DLGAP1: variants seen among roughly 807,000 people sequenced by gnomAD.
DLGAP1 encodes the protein DLG associated protein 1.
A neutral mutation model predicts 90.8 loss-of-function variants in DLGAP1; 11 were observed. That is an observed-to-expected ratio of 0.12 (90% CI 0.08 to 0.20). The LOEUF is 0.20. Among genes scored for constraint, DLGAP1 ranks in the 10% least tolerant of loss-of-function variants. DLGAP1 has a pLI of 1.00. For missense variants in DLGAP1, 1,050 were observed against 1,333.8 expected (o/e 0.79, Z 3.31); for synonymous variants, 558 against 540.7 (o/e 1.03, Z -0.44).
chr18:3,502,796 T>C (rs2050009678), intron 11 of DLGAP1, 151 bp from the exon 12 acceptor site: 1 of 815,686 alleles, frequency 1.2e-6, no homozygotes, highest in Non-Finnish European at 1.9e-6. Flanking sequence ...TTACAAATGT[T>C]AATTTTATAC....
intron 5 of DLGAP1, among the ~76,000 whole-genome samples, chr18:3,744,611 G>A (rs1348070942): frequency 3.3e-5 from 5 of 152,098 alleles, no homozygotes; most frequent in African/African-American, 1.2e-4. Flanking sequence ...CCCAGGTGGA[G>A]TGTAGCTCAC....
chr18:3,680,811 GA>G (rs1416130142), intron 7 of DLGAP1, among the ~76,000 whole-genome samples: 1 of 147,422 alleles, frequency 6.8e-6, no homozygotes, highest in Non-Finnish European at 1.5e-5. Flanking sequence ...AAAAAAGGAG[GA>G]AAAATACTGT....
chr18:4,088,449 G>GTA (rs1462828430), intron 2 of DLGAP1, among the ~76,000 whole-genome samples: 1 of 152,086 alleles, frequency 6.6e-6, no homozygotes, highest in Non-Finnish European at 1.5e-5. Flanking sequence ...GTGTGTGTGT[G>GTA]TGTGTCTGTA....
At chr18:4,015,366 G>A (rs943039137) in intron 2 of DLGAP1, among the ~76,000 whole-genome samples, 8 of 152,116 alleles carry the variant, frequency 5.3e-5, no homozygotes, top group Non-Finnish European at 1.0e-4. Flanking sequence ...GCAGAAAAGA[G>A]TTCTATGATG....
chr18:4,284,840 G>A (rs2079644773), intron 1 of DLGAP1, among the ~76,000 whole-genome samples: 1 of 152,148 alleles, frequency 6.6e-6, no homozygotes, highest in African/African-American at 2.4e-5. Context: ...GGTAATGAAG[G>A]CACCAAGGAG....
rs114941352 is a variant in DLGAP1, at chr18:4,297,335, G to A, written c.-266-146048C>T. ...CTGTAGAAAACCATCAATGTCTGGT[G>A]GTGCCTAAGACGCTCCATGCCATGG... On this transcript the variant is annotated intron_variant, in intron 1 of 12. Transcript: ENST00000315677. Among the ~76,000 whole-genome samples, 416 of 152,102 alleles carry A rather than the reference G, an allele frequency of 2.7e-3. 1 individual carries two copies. The highest frequency in any genetic ancestry group is 9.4e-3 in the African/African-American group (389 of 41,474).
At chr18:4,008,870 C>T (rs560355743) in intron 2 of DLGAP1, among the ~76,000 whole-genome samples, 1 of 152,270 alleles carries the variant, frequency 6.6e-6, no homozygotes, top group East Asian at 1.9e-4. Flanking sequence ...TGAAGCCTTG[C>T]TACAGGACGT....
Position 3,729,348 on chromosome 18 carries a change from A to G in DLGAP1, c.1378T>C (p.Phe460Leu). The G allele has an allele frequency of 6.2e-7, 1 of 1,613,694 alleles. No homozygotes were observed. The change falls in exon 7 of 13, where the codon TTC (phenylalanine) becomes CTC (leucine). Residue 460 changes from phenylalanine (F) to leucine (L), a missense_variant. Phe to Leu is a conservative substitution (Grantham distance 22, BLOSUM62 0). Coordinates refer to ENST00000315677, the MANE Select transcript of DLGAP1 (RefSeq NM_004746.4). The surrounding 1 kb of genome is among the most constrained non-coding windows in gnomAD (Gnocchi z 6.2). The part of the protein sequence containing the change: ...QVSEMEVNGQ[F>L]ESVCESVFSE... The stretch of plus-strand genomic sequence containing the variant: ...AACACGGACTCGCACACGGACTCGA[A>G]CTGCCCGTTCACTTCCATCTCGCTC...
At chr18:4,359,678 G>T (rs1006863076) in intron 1 of DLGAP1, among the ~76,000 whole-genome samples, 1 of 152,162 alleles carries the variant, frequency 6.6e-6, no homozygotes, top group Non-Finnish European at 1.5e-5. Context: ...CCCTCTGCAC[G>T]AGACTACTAT....
intron 7 of DLGAP1, among the ~76,000 whole-genome samples, chr18:3,643,780 G>C (rs1422161754): frequency 2.0e-5 from 3 of 151,672 alleles, no homozygotes; most frequent in South Asian, 4.1e-4. Context: ...ATTACAAATG[G>C]AAAACCCAAA....
intron 5 of DLGAP1, among the ~76,000 whole-genome samples, chr18:3,745,064 A>G (rs1708988959): frequency 6.6e-6 from 1 of 152,226 alleles, no homozygotes; most frequent in South Asian, 2.1e-4. Context: ...GCTAACTGAA[A>G]GAAGCCTCAT....
At chr18:3,853,961 G>A (rs2069483893) in intron 4 of DLGAP1, among the ~76,000 whole-genome samples, 1 of 151,782 alleles carries the variant, frequency 6.6e-6, no homozygotes, top group Non-Finnish European at 1.5e-5. Flanking sequence ...TTTACTCAGA[G>A]GTTTATTAAT....
At chr18:3,802,724 A>G (rs56365340) in intron 5 of DLGAP1, among the ~76,000 whole-genome samples, 81,063 of 152,100 alleles carry the variant, frequency 0.53, 24,550 homozygotes, top group Non-Finnish European at 0.68. Flanking sequence ...ACTGAATCGT[A>G]TATGTGCAGT....
chr18:4,173,024 G>C (rs571557557), intron 1 of DLGAP1, among the ~76,000 whole-genome samples: 1 of 152,152 alleles, frequency 6.6e-6, no homozygotes, highest in African/African-American at 2.4e-5. Flanking sequence ...ATGATAGAAG[G>C]TTTTCCACAA....
chr18:3,930,526 T>C (rs990044614), intron 3 of DLGAP1, among the ~76,000 whole-genome samples: 7 of 152,132 alleles, frequency 4.6e-5, no homozygotes, highest in Admixed American at 1.3e-4. Context: ...TCTGAGCGTG[T>C]CCTGCAATAG....
chr18:4,431,542 T>C (rs1410552036), intron 1 of DLGAP1, among the ~76,000 whole-genome samples: 1 of 152,212 alleles, frequency 6.6e-6, no homozygotes, highest in East Asian at 1.9e-4. Flanking sequence ...TGGACAAAGG[T>C]AATTAAGAAT....
chr18:3,574,898 T>A (rs2055025298), intron 8 of DLGAP1, among the ~76,000 whole-genome samples: 1 of 151,004 alleles, frequency 6.6e-6, no homozygotes, highest in Non-Finnish European at 1.5e-5. Context: ...CACTGCAAGC[T>A]CCACCTCCCG....
rs1470837037 is a variant in DLGAP1 at position 3,711,962 on chromosome 18, A to G, written c.1591+17173T>C. ...GGAAGGGAGGCATACAGAAATGTAT[A>G]AGGAGGCATGAGTCCTAACAAACTA... On this transcript the variant is annotated intron_variant, in intron 7 of 12. Coordinates refer to ENST00000315677, the MANE Select transcript of DLGAP1 (RefSeq NM_004746.4). The surrounding 1 kb of genome is among the most constrained non-coding windows in gnomAD (Gnocchi z 4.0). Among the ~76,000 whole-genome samples the G allele has an allele frequency of 6.6e-6, 1 of 152,196 alleles. No homozygotes were observed. The highest frequency in any genetic ancestry group is 1.5e-5 in the Non-Finnish European group (1 of 68,028).
intron 1 of DLGAP1, among the ~76,000 whole-genome samples, chr18:4,300,880 G>C (rs771431288): frequency 2.0e-5 from 3 of 152,014 alleles, no homozygotes; most frequent in Non-Finnish European, 2.9e-5. Flanking sequence ...GGGTTGTTTT[G>C]TCATTGAATT....
Sources: gnomAD v4.1 joint callset for allele counts (sites outside exome capture counted in the v4.1 genomes callset) on GRCh38, gnomAD v4.1.1 for gene constraint, Gnocchi (gnomAD v3.1) non-coding constraint, MANE v1.5 for transcripts, NCBI Gene and HGNC (gene_info 2026-07-23, HGNC 2026-07-21) for gene names.